CEP97: variants seen among roughly 807,000 people sequenced by gnomAD.
CEP97 encodes the protein centrosomal protein 97.
CEP97 carries 43 observed loss-of-function variants against 73.1 expected under a neutral mutation model. The observed-to-expected ratio is 0.59, with a 90% CI of 0.46 to 0.76. The LOEUF is 0.76. Ranked by LOEUF, CEP97 falls within the 30% of genes least tolerant of loss-of-function variation. The pLI, the probability that CEP97 is intolerant of heterozygous loss-of-function variation, is 0.00. For synonymous variants in CEP97, 337 were observed against 370.0 expected, an observed-to-expected ratio of 0.91 and a Z score of 1.02; for missense variants, 939 against 1,014.0, an observed-to-expected ratio of 0.93 and a Z score of 1.00.
chr3:101,759,204 C>T (rs534952256), intron 9 of CEP97: 1 of 152,184 alleles, frequency 6.6e-6, no homozygotes, highest in Admixed American at 6.5e-5. Flanking sequence ...TTCTGTTCGT[C>T]ATTATGGTTC....
chr3:101,758,265 T>G lies in CEP97; in HGVS notation c.1659T>G (p.Val553=). 6.2e-7 allele frequency: 1 copy of G among 1,614,208 alleles called. No homozygotes were observed. The highest frequency in any genetic ancestry group is 8.5e-7 in the Non-Finnish European group (1 of 1,180,028). The change falls in exon 9 of 11, where the codon GTT becomes GTG. Residue 553 remains valine, a synonymous_variant. Transcript: ENST00000341893. ...CTGTTGCTTTGGGACAAGACAAAGT[T>G]GCCCTTCAGAAATTAAATGATGCAG... The part of the protein sequence containing the change: ...QRSVALGQDK[V]ALQKLNDAAT...
chr3:101,764,947 A>G lies in CEP97; in HGVS notation c.1994A>G (p.His665Arg), dbSNP rs535155685. 3 of 1,614,196 alleles carry G rather than the reference A, an allele frequency of 1.9e-6. No individual in the cohort carries two copies. The highest frequency in any genetic ancestry group is 3.3e-5 in the Admixed American group (2 of 60,024). Residue 665 changes from histidine (H) to arginine (R), a missense_variant, in exon 11 of 11, where the codon CAT (histidine) becomes CGT (arginine). His to Arg is a conservative substitution (Grantham distance 29). Coordinates refer to ENST00000341893, the MANE Select transcript of CEP97 (RefSeq NM_024548.4). ...PISSTLVPSK[H>R]PLFTQSQESS... ...TCAAGTACTCTTGTGCCATCGAAAC[A>G]TCCATTATTTACCCAAAGCCAGGAG...
Position 101,757,215 on chromosome 3 carries a change from T to G in CEP97, c.1027+19T>G. 1 of 1,590,954 alleles carries G rather than the reference T, an allele frequency of 6.3e-7. No individual in the cohort carries two copies. The highest frequency in any genetic ancestry group is 8.5e-7 in the Non-Finnish European group (1 of 1,172,490). The stretch of plus-strand genomic sequence containing the variant: ...GAAAGTGGTAAGAAATGAATTTATC[T>G]CTGATCCCTTTTCTCCAAGTTGTTT... On this transcript the variant is annotated intron_variant, in intron 8 of 10. Transcript: ENST00000341893.
At chr3:101,735,152 G>A (rs1163803591) in intron 6 of CEP97, among the ~76,000 whole-genome samples, 2 of 152,212 alleles carry the variant, frequency 1.3e-5, no homozygotes, top group Non-Finnish European at 2.9e-5. Flanking sequence ...AAACTAAAGA[G>A]AGTGTCAAGA....
intron 6 of CEP97, among the ~76,000 whole-genome samples, chr3:101,735,329 G>A (rs1938237804): frequency 6.6e-6 from 1 of 152,206 alleles, no homozygotes; most frequent in African/African-American, 2.4e-5. Context: ...AGATAGGGAA[G>A]AGTGGGCTCC....
chr3:101,758,950 T>C (rs1479035409), intron 9 of CEP97: 1 of 154,510 alleles, frequency 6.5e-6, no homozygotes, highest in South Asian at 2.0e-4. Flanking sequence ...ACTGGTATTA[T>C]CAGGTAGAAG....
intron 6 of CEP97, among the ~76,000 whole-genome samples, chr3:101,736,579 C>T (rs1002182568): frequency 6.6e-6 from 1 of 152,332 alleles, no homozygotes; most frequent in Middle Eastern, 3.4e-3. Flanking sequence ...GTCCAGCAAA[C>T]TCCAGCAGAC....
chr3:101,757,282 C>A, intron 8 of CEP97, 86 bp downstream of exon 8: 2 of 1,463,736 alleles, frequency 1.4e-6, no homozygotes, highest in South Asian at 1.4e-5. Context: ...TGCATATTTT[C>A]ATAATTTTTT....
At position 101,767,393 on chromosome 3, in the gene CEP97, A is replaced by C. The variant is rs934713111; in HGVS notation, c.*1842A>C. 4 of 152,182 alleles carry C rather than the reference A, an allele frequency of 2.6e-5. No homozygotes were observed. Among genetic ancestry groups the C allele is most frequent in the Non-Finnish European group, 5.9e-5 (4 of 68,028 alleles). 9.4% of individuals were successfully genotyped at this position (152,182 alleles called of 1,614,324 possible). A position where few individuals can be genotyped will look rare whatever the true frequency, so the allele number is the denominator to read the frequency against. On this transcript the variant is annotated 3_prime_UTR_variant, in exon 11 of 11. Coordinates refer to ENST00000341893, the MANE Select transcript of CEP97 (RefSeq NM_024548.4). ...TGATTTTGAATGTCTTCTTAAATAT[A>C]CCCTATTTTTCTATTTTAAAGTTAA...
At chr3:101,753,593 G>A (rs1389568638) in intron 6 of CEP97, among the ~76,000 whole-genome samples, 3 of 152,228 alleles carry the variant, frequency 2.0e-5, no homozygotes, top group African/African-American at 4.8e-5. Context: ...TTACCTAAGC[G>A]AGCCTGGGCA....
intron 6 of CEP97, among the ~76,000 whole-genome samples, chr3:101,744,227 C>T (rs1453558979): frequency 6.6e-6 from 1 of 151,790 alleles, no homozygotes; most frequent in Non-Finnish European, 1.5e-5. Flanking sequence ...CATGCATTTT[C>T]ACAGCAGCCC....
rs1322405155 is a variant in CEP97, at chr3:101,769,297, A to G, written c.*3746A>G. 3 of 152,092 alleles carry G rather than the reference A, an allele frequency of 2.0e-5. No individual in the cohort carries two copies. Among genetic ancestry groups the G allele is most frequent in the African/African-American group, 7.2e-5 (3 of 41,438 alleles). The allele number at this position is 152,092 out of a possible 1,614,324, so 9.4% of individuals were successfully genotyped here. A position where few individuals can be genotyped will look rare whatever the true frequency, so the allele number is the denominator to read the frequency against. On this transcript the variant is annotated 3_prime_UTR_variant, in exon 11 of 11. Coordinates refer to ENST00000341893, the MANE Select transcript of CEP97 (RefSeq NM_024548.4). ...ATGAATATGATCATTTCTCCATCAT[A>G]AAGGAAAGAAGAGACTTCATTGTGT...
At position 101,754,257 on chromosome 3, in the gene CEP97, A is replaced by G. The variant is rs112240755; in HGVS notation, c.729-1173A>G. 3.9e-3 allele frequency among the ~76,000 whole-genome samples: 600 copies of G among 151,956 alleles called. 6 individuals are homozygous for G. Among genetic ancestry groups the G allele is most frequent in the African/African-American group, 0.014 (565 of 41,448 alleles). On this transcript the variant is annotated intron_variant, in intron 6 of 10. Coordinates refer to ENST00000341893, the MANE Select transcript of CEP97 (RefSeq NM_024548.4). The stretch of plus-strand genomic sequence containing the variant: ...TATTTTGAAGCGGATCTCAGATTAC[A>G]TATCATTTCACCTGTTAGTATTTCA...
At chr3:101,762,613 A>G in intron 10 of CEP97, 53 bp downstream of exon 10, 2 of 1,339,442 alleles carry the variant, frequency 1.5e-6, no homozygotes, top group Non-Finnish European at 1.1e-6. Flanking sequence ...CAGATTCTAT[A>G]TTCATTGAGA....
intron 9 of CEP97, among the ~76,000 whole-genome samples, chr3:101,760,379 G>A (rs1939138469): frequency 6.6e-6 from 1 of 152,146 alleles, no homozygotes; most frequent in South Asian, 2.1e-4. Flanking sequence ...AGGTCAGGTT[G>A]TATGATTTTC....
At chr3:101,755,661 G>A in intron 7 of CEP97, 67 bp downstream of exon 7, 6 of 1,511,348 alleles carry the variant, frequency 4.0e-6, no homozygotes, top group Non-Finnish European at 5.5e-6. Context: ...CTTTGCTATG[G>A]TGATAGTAAG....
Position 101,768,898 on chromosome 3 carries a change from A to G in CEP97, c.*3347A>G, listed in dbSNP as rs1301042534. The G allele has an allele frequency of 6.6e-6, 1 of 152,210 alleles. No individual in the cohort carries two copies. The highest frequency in any genetic ancestry group is 2.4e-5 in the African/African-American group (1 of 41,446). The allele number at this position is 152,210 out of a possible 1,614,324, so 9.4% of individuals were successfully genotyped here. ...ATAATATGCAATTTAGTTTGATTTT[A>G]TAGGTTTAATTATAAAAGGCTTCAC... On this transcript the variant is annotated 3_prime_UTR_variant, in exon 11 of 11. Coordinates refer to ENST00000341893, the MANE Select transcript of CEP97 (RefSeq NM_024548.4).
rs776938685 is a variant in CEP97, at chr3:101,757,731, G to T, written c.1125G>T (p.Thr375=). ...ATTTTCCAGCCTCTGTACACACTAC[G>T]AGATATTCTCGAAATGATCTGCACC... ...KNNFPASVHT[T]RYSRNDLHLE... Residue 375 remains threonine (T), a synonymous_variant, in exon 9 of 11, where the codon ACG becomes ACT. Transcript: ENST00000341893. 3.1e-6 allele frequency: 5 copies of T among 1,614,040 alleles called. No homozygotes were observed. In the African/African-American group the frequency reaches 5.3e-5, roughly 17 times the overall value.
chr3:101,755,669 A>G (rs1938984997), intron 7 of CEP97, 75 bp downstream of exon 7: 2 of 1,459,034 alleles, frequency 1.4e-6, no homozygotes, highest in Non-Finnish European at 1.9e-6. Flanking sequence ...TGGTGATAGT[A>G]AGCCTGAGGC....
Sources: gnomAD v4.1 joint callset for allele counts (sites outside exome capture counted in the v4.1 genomes callset) on GRCh38, gnomAD v4.1.1 for gene constraint, MANE v1.5 for transcripts, NCBI Gene and HGNC (gene_info 2026-07-23, HGNC 2026-07-21) for gene names.